IBA57: variants seen among roughly 807,000 people sequenced by gnomAD.
The protein encoded by IBA57 is iron-sulfur cluster assembly factor IBA57, mitochondrial.
Under a neutral mutation model 20.4 loss-of-function variants are expected in IBA57, and 20 were observed. The ratio of observed to expected loss-of-function variants is 0.98; its 90% confidence interval spans 0.69 to 1.42. IBA57 has a LOEUF of 1.42. IBA57 is among the 40% of genes most tolerant of loss of function. The probability of loss-of-function intolerance (pLI) is 0.00; values close to 1 mark genes in which losing one functional copy is unlikely to be tolerated. For missense variants in IBA57, 608 were observed against 499.3 expected, an observed-to-expected ratio of 1.22 and a Z score of -2.07; for synonymous variants, 310 against 233.9, an observed-to-expected ratio of 1.33 and a Z score of -2.97.
Position 228,180,107 on chromosome 1 carries a change from G to C in IBA57, c.*4594G>C, listed in dbSNP as rs2035084007. 1 of 118,742 alleles carries C rather than the reference G, an allele frequency of 8.4e-6. No individual in the cohort carries two copies. Among genetic ancestry groups the C allele is most frequent in the Non-Finnish European group, 1.6e-5 (1 of 62,446 alleles). The allele number at this position is 118,742 out of a possible 1,614,324, so 7.4% of individuals were successfully genotyped here. On this transcript the variant is annotated 3_prime_UTR_variant, in exon 3 of 3. Transcript: ENST00000366711. The stretch of plus-strand genomic sequence containing the variant: ...GGAGGCAGAGGTTGCAGTGAGCCAA[G>C]ATTGTGCCATTGCACTCCAGCCTGG...
Position 228,166,162 on chromosome 1 carries a change from G to A in IBA57, c.341+5G>A. The A allele has an allele frequency of 6.8e-7, 1 of 1,476,260 alleles. No individual in the cohort carries two copies. Among genetic ancestry groups the A allele is most frequent in the East Asian group, 2.7e-5 (1 of 37,086 alleles). The allele number at this position is 1,476,260 out of a possible 1,614,324, so 91.4% of individuals were successfully genotyped here. ...CTATGACGTCATCTTGTACGGGTGA[G>A]CGCGTGCTGGGAGGGCGCTCGGGGG... On this transcript the variant is annotated splice_donor_5th_base_variant and intron_variant, in intron 1 of 2. Transcript: ENST00000366711.
At position 228,177,957 on chromosome 1, in the gene IBA57, A is replaced by G. The variant is rs1306546521; in HGVS notation, c.*2444A>G. The G allele has an allele frequency of 6.6e-6, 1 of 152,146 alleles. No homozygotes were observed. The highest frequency in any genetic ancestry group is 1.5e-5 in the Non-Finnish European group (1 of 68,074). The allele number at this position is 152,146 out of a possible 1,614,324, so 9.4% of individuals were successfully genotyped here. ...TGGTGTAGCCGCTCCAAAACTGCAC[A>G]CTGCTTTTCCTGTCTGCTTTAGTTT... On this transcript the variant is annotated 3_prime_UTR_variant, in exon 3 of 3. Transcript: ENST00000366711.
At chr1:228,174,657 T>G in intron 1 of IBA57, 35 bp from the exon 2 acceptor site, 2 of 1,481,630 alleles carry the variant, frequency 1.3e-6, no homozygotes, top group Non-Finnish European at 1.8e-6. Flanking sequence ...ACTCAGTTGG[T>G]GAGCTGCCAT....
intron 1 of IBA57, chr1:228,171,485 T>G (rs929391546): frequency 1.6e-4 from 25 of 152,310 alleles, no homozygotes; most frequent in African/African-American, 6.0e-4. Flanking sequence ...TGTGAGGACA[T>G]CCACCCTGTG....
chr1:228,171,501 C>G (rs974781878), intron 1 of IBA57: 4 of 152,408 alleles, frequency 2.6e-5, no homozygotes, highest in Non-Finnish European at 4.4e-5. Flanking sequence ...CTGTGTGAGG[C>G]CAGGGAGTGC....
chr1:228,174,226 T>TGC (rs1156778205), intron 1 of IBA57, among the ~76,000 whole-genome samples: 1 of 1,030 alleles, frequency 9.7e-4, no homozygotes, highest in African/African-American at 5.2e-3. Context: ...CGTGGCTCGC[T>TGC]GTGGGCGTGG....
chr1:228,173,315 C>G (rs1433481673), intron 1 of IBA57: 3 of 151,826 alleles, frequency 2.0e-5, no homozygotes, highest in Non-Finnish European at 4.4e-5. Context: ...TCAGCTCCCA[C>G]CAGCCTGTGA....
Position 228,179,886 on chromosome 1 carries a change from TGG to T in IBA57, c.*4374_*4375del, listed in dbSNP as rs1170872443. 1 of 152,114 alleles carries T rather than the reference TGG, an allele frequency of 6.6e-6. No individual in the cohort carries two copies. The highest frequency in any genetic ancestry group is 1.5e-5 in the Non-Finnish European group (1 of 68,044). The allele number at this position is 152,114 out of a possible 1,614,324, so 9.4% of individuals were successfully genotyped here. On this transcript the variant is annotated 3_prime_UTR_variant, in exon 3 of 3. Transcript: ENST00000366711. ...TTCAAGAATGAGGGGCCAGGCGCAG[TGG>T]CTCACGTCTGTATTCCCAGCACTTT...
chr1:228,175,774 C>CG lies in IBA57; in HGVS notation c.*264dup, dbSNP rs952386593. 2.5e-6 allele frequency: 1 copy of CG among 393,934 alleles called. No individual in the cohort carries two copies. Among genetic ancestry groups the CG allele is most frequent in the East Asian group, 4.2e-5 (1 of 23,918 alleles). The allele number at this position is 393,934 out of a possible 1,614,324, so 24.4% of individuals were successfully genotyped here. A position where few individuals can be genotyped will look rare whatever the true frequency, so the allele number is the denominator to read the frequency against. On this transcript the variant is annotated 3_prime_UTR_variant, in exon 3 of 3. Coordinates refer to ENST00000366711, the MANE Select transcript of IBA57 (RefSeq NM_001010867.4). ...GTGAGTGCTGGGCTCCAGATGGCGC[C>CG]GGGTCCCAATCGTGGCTCCACACAG...
chr1:228,173,464 G>A (rs1014722080), intron 1 of IBA57: 13 of 143,642 alleles, frequency 9.1e-5, no homozygotes, highest in African/African-American at 3.3e-4. Context: ...TCTGGTCAGG[G>A]GTCATTCTTG....
In IBA57 at chr1:228,178,333, A is replaced by G; in HGVS notation, c.*2820A>G. The G allele has an allele frequency of 6.6e-6, 1 of 152,490 alleles. No homozygotes were observed. Among genetic ancestry groups the G allele is most frequent in the Non-Finnish European group, 1.5e-5 (1 of 68,214 alleles). 9.4% of individuals were successfully genotyped at this position (152,490 alleles called of 1,614,324 possible). A position where few individuals can be genotyped will look rare whatever the true frequency, so the allele number is the denominator to read the frequency against. On this transcript the variant is annotated 3_prime_UTR_variant, in exon 3 of 3. Transcript: ENST00000366711. ...TGTGGTGGCTCATGCCTGTGATCCC[A>G]GCACTTTGGGAGGCCGAGGCAGGAG...
In IBA57 at chr1:228,181,267, A is replaced by G. The variant is rs1320107343; in HGVS notation, c.*5754A>G. ...TGTCCGGTCTCCAGAACCGTGAGCC[A>G]ATAAACCTCTGTTCCTTGTAAATGA... On this transcript the variant is annotated 3_prime_UTR_variant, in exon 3 of 3. Transcript: ENST00000366711. 1 of 152,248 alleles carries G rather than the reference A, an allele frequency of 6.6e-6. No individual in the cohort carries two copies. Among genetic ancestry groups the G allele is most frequent in the African/African-American group, 2.4e-5 (1 of 41,466 alleles). 9.4% of individuals were successfully genotyped at this position (152,248 alleles called of 1,614,324 possible). A position where few individuals can be genotyped will look rare whatever the true frequency, so the allele number is the denominator to read the frequency against.
At position 228,174,762 on chromosome 1, in the gene IBA57, A is replaced by G. The variant is rs1400507555; in HGVS notation, c.412A>G (p.Lys138Glu). 2.5e-6 allele frequency: 4 copies of G among 1,609,000 alleles called. No individual in the cohort carries two copies. In the African/African-American group the frequency reaches 5.4e-5, roughly 22 times the overall value. ...CAGCTCGGTGCAGGGCGCGCTGCAG[A>G]AGCACCTCGCGCTATACAGGATCCG... ...CDSSVQGALQ[K>E]HLALYRIRRK... The change falls in exon 2 of 3, where the codon AAG becomes GAG. Residue 138 changes from lysine (K) to glutamate (E), a missense_variant. Physicochemically the swap from Lys to Glu is moderately conservative, Grantham distance 56 (BLOSUM62 1). Coordinates refer to ENST00000366711, the MANE Select transcript of IBA57 (RefSeq NM_001010867.4).
chr1:228,169,559 G>A (rs182695969), intron 1 of IBA57, among the ~76,000 whole-genome samples: 12 of 152,266 alleles, frequency 7.9e-5, no homozygotes, highest in Non-Finnish European at 1.3e-4. Flanking sequence ...TCATCACTTG[G>A]AGTACAGTTT....
chr1:228,178,667 C>A lies in IBA57; in HGVS notation c.*3154C>A, dbSNP rs1471316184. 6.6e-6 allele frequency: 1 copy of A among 152,200 alleles called. No individual in the cohort carries two copies. Among genetic ancestry groups the A allele is most frequent in the East Asian group, 1.9e-4 (1 of 5,200 alleles). The allele number at this position is 152,200 out of a possible 1,614,324, so 9.4% of individuals were successfully genotyped here. A position where few individuals can be genotyped will look rare whatever the true frequency, so the allele number is the denominator to read the frequency against. ...AGACAGTGTAGAAACTGTGAGAAAC[C>A]CACCTCCAAATCAGGCCTTAGATAG... On this transcript the variant is annotated 3_prime_UTR_variant, in exon 3 of 3. Coordinates refer to ENST00000366711, the MANE Select transcript of IBA57 (RefSeq NM_001010867.4).
In IBA57 at chr1:228,177,886, CA is replaced by C. The variant is rs1255001340; in HGVS notation, c.*2374del. The C allele has an allele frequency of 6.6e-6, 1 of 152,206 alleles. No homozygotes were observed. The highest frequency in any genetic ancestry group is 1.5e-5 in the Non-Finnish European group (1 of 68,050). The allele number at this position is 152,206 out of a possible 1,614,324, so 9.4% of individuals were successfully genotyped here. A position where few individuals can be genotyped will look rare whatever the true frequency, so the allele number is the denominator to read the frequency against. On this transcript the variant is annotated 3_prime_UTR_variant, in exon 3 of 3. Transcript: ENST00000366711. ...GGAAGCAGGCCCTAAAGCGCATCGG[CA>C]GGGTCAGAGCTTTGTGTTCAGGAAC...
rs768435534 is a variant in IBA57, at chr1:228,175,774, C to T, written c.*261C>T. ...GTGAGTGCTGGGCTCCAGATGGCGC[C>T]GGGTCCCAATCGTGGCTCCACACAG... is the stretch of plus-strand genomic sequence containing the variant. On this transcript the variant is annotated 3_prime_UTR_variant, in exon 3 of 3. Transcript: ENST00000366711. The T allele has an allele frequency of 1.8e-4, 69 of 394,052 alleles. No individual in the cohort carries two copies. Among genetic ancestry groups the T allele is most frequent in the South Asian group, 5.1e-4 (9 of 17,734 alleles). 24.4% of individuals were successfully genotyped at this position (394,052 alleles called of 1,614,324 possible). A position where few individuals can be genotyped will look rare whatever the true frequency, so the allele number is the denominator to read the frequency against.
chr1:228,169,573 T>C (rs2034897376), intron 1 of IBA57, among the ~76,000 whole-genome samples: 1 of 152,200 alleles, frequency 6.6e-6, no homozygotes. Flanking sequence ...ACAGTTTCCA[T>C]GAGGGCTCAC....
chr1:228,166,136 T>C lies in IBA57; in HGVS notation c.320T>C (p.Leu107Pro). 6.6e-7 allele frequency: 1 copy of C among 1,523,152 alleles called. No homozygotes were observed. Among genetic ancestry groups the C allele is most frequent in the African/African-American group, 1.4e-5 (1 of 70,500 alleles). The allele number at this position is 1,523,152 out of a possible 1,614,324, so 94.4% of individuals were successfully genotyped here. The part of the protein sequence containing the change: ...AHFLNVQGRT[L>P]YDVILYGLQE... Reference sequence around the variant, plus strand: ...TTCCTGAACGTGCAGGGCCGGACGCTCTATGACGTCATCTTGTACGGGTGA... The same window carrying C: ...TTCCTGAACGTGCAGGGCCGGACGCCCTATGACGTCATCTTGTACGGGTGA... The change falls in exon 1 of 3, where the codon CTC (leucine) becomes CCC (proline). Residue 107 changes from leucine (L) to proline (P), a missense_variant. Coordinates refer to ENST00000366711, the MANE Select transcript of IBA57 (RefSeq NM_001010867.4).
Sources: allele counts gnomAD v4.1 joint callset (sites outside exome capture counted in the v4.1 genomes callset), GRCh38; gene constraint gnomAD v4.1.1; transcripts MANE v1.5; gene names NCBI Gene and HGNC (gene_info 2026-07-23, HGNC 2026-07-21).